The following MED27 variants were observed in gnomAD, a reference collection of about 807,000 sequenced individuals.
The protein encoded by MED27 is mediator of RNA polymerase II transcription subunit 27.
In MED27, 30 loss-of-function variants were observed where a neutral mutation model predicts 38.2. That is an observed-to-expected ratio of 0.79 (90% CI 0.59 to 1.07). MED27 has a LOEUF of 1.07. MED27 is among the 50% of genes least tolerant of loss of function. The pLI, the probability that MED27 is intolerant of heterozygous loss-of-function variation, is 0.00. For missense variants in MED27, 289 were observed against 397.5 expected (o/e 0.73, Z 2.32); for synonymous variants, 122 against 153.5 (o/e 0.79, Z 1.52).
intron 3 of MED27, among the ~76,000 whole-genome samples, chr9:131,960,865 A>C (rs1388383086): frequency 6.6e-6 from 1 of 152,238 alleles, no homozygotes; most frequent in African/African-American, 2.4e-5. Context: ...AATTATCCTC[A>C]GTCGATGAGA....
chr9:131,988,470 C>A (rs376161275), intron 3 of MED27, among the ~76,000 whole-genome samples: 3 of 152,192 alleles, frequency 2.0e-5, no homozygotes, highest in East Asian at 1.9e-4. Flanking sequence ...GAAGACAATG[C>A]GGATGAAGGC....
At position 132,051,492 on chromosome 9, in the gene MED27, C is replaced by G. The variant is rs1833464456; in HGVS notation, c.348+25950G>C. ...GATGCTTTTCAAAGCCCTATCCCAT[C>G]CCCTGCCCCTCCTTAGCTAGACATA... On this transcript the variant is annotated intron_variant, in intron 2 of 7. Transcript: ENST00000292035. This position sits in a 1 kb window ranked among gnomAD's most constrained non-coding sequence, Gnocchi z 4.2. Among the ~76,000 whole-genome samples, 1 of 152,154 alleles carries G rather than the reference C, an allele frequency of 6.6e-6. No homozygotes were observed. The highest frequency in any genetic ancestry group is 6.5e-5 in the Admixed American group (1 of 15,282).
chr9:131,863,689 C>G (rs2131446770), intron 6 of MED27, among the ~76,000 whole-genome samples: 1 of 149,384 alleles, frequency 6.7e-6, no homozygotes, highest in East Asian at 1.9e-4. Flanking sequence ...TGATGGGGAG[C>G]CTGGCAGTTT....
intron 3 of MED27, among the ~76,000 whole-genome samples, chr9:132,001,077 G>A (rs1832221964): frequency 6.6e-6 from 1 of 151,886 alleles, no homozygotes; most frequent in Non-Finnish European, 1.5e-5. Flanking sequence ...TCCAGCCTGG[G>A]CGACAAAGCA....
chr9:131,982,633 AC>A lies in MED27; in HGVS notation c.479+31703del, dbSNP rs1241476790. On this transcript the variant is annotated intron_variant, in intron 3 of 7. Coordinates refer to ENST00000292035, the MANE Select transcript of MED27 (RefSeq NM_004269.4). This position sits in a 1 kb window ranked among gnomAD's most constrained non-coding sequence, Gnocchi z 4.3. ...AAACAGCACACAAGTAACTTGGTCC[AC>A]AGCTACTGATGGGGAGGTGGATTTG... Among the ~76,000 whole-genome samples the A allele has an allele frequency of 6.6e-6, 1 of 152,186 alleles. No homozygotes were observed. The highest frequency in any genetic ancestry group is 1.5e-5 in the Non-Finnish European group (1 of 68,028).
At chr9:131,893,808 C>T in intron 5 of MED27, 77 bp downstream of exon 5, 2 of 984,582 alleles carry the variant, frequency 2.0e-6, no homozygotes, top group Non-Finnish European at 3.2e-6. Flanking sequence ...GTTTTTAATG[C>T]CATTCATCTG....
chr9:131,884,821 T>C (rs1259247220), intron 5 of MED27, among the ~76,000 whole-genome samples: 5 of 152,166 alleles, frequency 3.3e-5, no homozygotes, highest in Non-Finnish European at 5.9e-5. Context: ...TTGGTCAGGC[T>C]GGTCTCAAAC....
intron 5 of MED27, among the ~76,000 whole-genome samples, chr9:131,890,473 G>A (rs894614924): frequency 2.0e-5 from 3 of 152,216 alleles, no homozygotes; most frequent in Admixed American, 1.3e-4. Context: ...AGGAGGGCCT[G>A]AGGTCTCCCT....
Position 131,861,544 on chromosome 9 carries a change from G to A in MED27, c.802-872C>T, listed in dbSNP as rs1838651903. ...TGACAGGGCATGGCCCATCAGTACT[G>A]TCCCCCTTTCCAAAGGCCAGGTGTT... On this transcript the variant is annotated intron_variant, in intron 7 of 7. Coordinates refer to ENST00000292035, the MANE Select transcript of MED27 (RefSeq NM_004269.4). The surrounding 1 kb of genome is among the most constrained non-coding windows in gnomAD (Gnocchi z 4.4). Among the ~76,000 whole-genome samples, 2 of 152,248 alleles carry A rather than the reference G, an allele frequency of 1.3e-5. No homozygotes were observed. Among genetic ancestry groups the A allele is most frequent in the Middle Eastern group, 3.4e-3 (1 of 294 alleles).
Position 131,872,022 on chromosome 9 carries a change from CA to C in MED27, c.724-8883del, listed in dbSNP as rs769835652. On this transcript the variant is annotated intron_variant, in intron 6 of 7. Coordinates refer to ENST00000292035, the MANE Select transcript of MED27 (RefSeq NM_004269.4). The surrounding 1 kb of genome is among the most constrained non-coding windows in gnomAD (Gnocchi z 5.6). ...AAAGGTCATGGGCATCATCTGGCCC[CA>C]GGGGGCATGCTCCTGGGCCGGAGTG... Among the ~76,000 whole-genome samples, 14 of 152,312 alleles carry C rather than the reference CA, an allele frequency of 9.2e-5. No homozygotes were observed. The highest frequency in any genetic ancestry group is 2.1e-4 in the Non-Finnish European group (14 of 68,030).
At chr9:131,919,114 A>G (rs9411327) in intron 4 of MED27, among the ~76,000 whole-genome samples, 127,234 of 152,114 alleles carry the variant, frequency 0.84, 53,338 homozygotes, top group Middle Eastern at 0.89. Context: ...GAGTAGGGAG[A>G]AGGAGGATGG....
intron 4 of MED27, among the ~76,000 whole-genome samples, chr9:131,906,387 G>A (rs1830062904): frequency 6.6e-6 from 1 of 152,214 alleles, no homozygotes; most frequent in Admixed American, 6.5e-5. Flanking sequence ...GCCCAGTGCC[G>A]GAGCAGAGCA....
At chr9:131,921,242 C>T (rs577910516) in intron 4 of MED27, among the ~76,000 whole-genome samples, 10 of 152,254 alleles carry the variant, frequency 6.6e-5, no homozygotes, top group East Asian at 1.9e-4. Flanking sequence ...CTGCACCTGC[C>T]GCAAACTCAC....
chr9:132,049,478 G>A (rs1172094148), intron 2 of MED27, among the ~76,000 whole-genome samples: 2 of 152,132 alleles, frequency 1.3e-5, no homozygotes, highest in Non-Finnish European at 1.5e-5. Context: ...GGAGAGCAGC[G>A]GTAAAGTGGT....
At chr9:131,923,090 T>C (rs748363314) in intron 4 of MED27, among the ~76,000 whole-genome samples, 4 of 152,238 alleles carry the variant, frequency 2.6e-5, no homozygotes, top group Non-Finnish European at 5.9e-5. Flanking sequence ...TTGTGCTCAC[T>C]GTTGCTGGGG....
chr9:132,011,401 C>T (rs1435653332), intron 3 of MED27, among the ~76,000 whole-genome samples: 1 of 151,942 alleles, frequency 6.6e-6, no homozygotes, highest in East Asian at 1.9e-4. Flanking sequence ...TATTATTGTT[C>T]TATTTCCTAG....
At chr9:131,962,537 C>A (rs912790104) in intron 3 of MED27, among the ~76,000 whole-genome samples, 2 of 117,122 alleles carry the variant, frequency 1.7e-5, no homozygotes, top group African/African-American at 7.8e-5. Flanking sequence ...TTGTGCCTGG[C>A]GTGTGATTTT....
At chr9:131,969,184 C>CA (rs1028690635) in intron 3 of MED27, among the ~76,000 whole-genome samples, 5 of 138,686 alleles carry the variant, frequency 3.6e-5, no homozygotes, top group African/African-American at 1.3e-4. Context: ...TCCTGCCCCC[C>CA]ACACCTTCTG....
chr9:131,978,414 A>AG (rs1831656901), intron 3 of MED27, among the ~76,000 whole-genome samples: 1 of 152,232 alleles, frequency 6.6e-6, no homozygotes, highest in South Asian at 2.1e-4. Flanking sequence ...TTATAAACTG[A>AG]CTAGACAGCT....
Sources: gnomAD v4.1 joint callset for allele counts (sites outside exome capture counted in the v4.1 genomes callset) on GRCh38, gnomAD v4.1.1 for gene constraint, Gnocchi (gnomAD v3.1) non-coding constraint, MANE v1.5 for transcripts, NCBI Gene and HGNC (gene_info 2026-07-23, HGNC 2026-07-21) for gene names.